Variants in STK32A observed in about 807,000 individuals in gnomAD.
STK32A encodes serine/threonine kinase 32A, also known as serine/threonine-protein kinase 32A.
In STK32A, 41 loss-of-function variants were observed where a neutral mutation model predicts 53.2. The observed-to-expected ratio is 0.77, with a 90% confidence interval of 0.60 to 1.00. The LOEUF is 1.00. Among genes scored for constraint, STK32A ranks in the 50% least tolerant of loss-of-function variants. The probability of loss-of-function intolerance (pLI) is 0.00; values close to 1 mark genes in which losing one functional copy is unlikely to be tolerated. For synonymous variants in STK32A, 166 were observed against 162.8 expected (o/e 1.02, Z -0.15); for missense variants, 458 against 485.8 (o/e 0.94, Z 0.54).
rs775086398 is a variant in STK32A, at chr5:147,294,366, ATTC to A, written c.260+14973_260+14975del. ...AACCTCCGCCTCCTGGGTTCAAGCA[ATTC>A]TTCTGCCTCAGCCTCCCGAGTAGCT... On this transcript the variant is annotated intron_variant, in intron 4 of 12. Transcript: ENST00000397936. Among the ~76,000 whole-genome samples, 39 of 152,176 alleles carry A rather than the reference ATTC, an allele frequency of 2.6e-4. No individual in the cohort carries two copies. In the East Asian group the frequency reaches 7.2e-3, roughly 28 times the overall value.
At chr5:147,377,205 AAG>A (rs573277700) in intron 11 of STK32A, among the ~76,000 whole-genome samples, 71 of 152,020 alleles carry the variant, frequency 4.7e-4, no homozygotes, top group Non-Finnish European at 9.0e-4. Context: ...CTCTTTTTTT[AAG>A]AGTTTGTTGT....
At chr5:147,248,105 G>A (rs1042085252) in intron 2 of STK32A, among the ~76,000 whole-genome samples, 127 of 121,598 alleles carry the variant, frequency 1.0e-3, no homozygotes, top group Middle Eastern at 5.7e-3. Context: ...GGGGCAACAA[G>A]AGCAAAACTC....
chr5:147,344,306 A>G (rs1384508896), intron 6 of STK32A, among the ~76,000 whole-genome samples: 1 of 152,150 alleles, frequency 6.6e-6, no homozygotes, highest in Non-Finnish European at 1.5e-5. Context: ...CTAATTTCAA[A>G]GCTCACTGTC....
At position 147,282,371 on chromosome 5, in the gene STK32A, G is replaced by T. The variant is rs527503073; in HGVS notation, c.260+2973G>T. ...GGAGAACAGCTTTAGCTCTTTTTTG[G>T]TTTTTTGGAAAAAAACCCAAAGTAC... On this transcript the variant is annotated intron_variant, in intron 4 of 12. Coordinates refer to ENST00000397936, the MANE Select transcript of STK32A (RefSeq NM_001112724.2). Among the ~76,000 whole-genome samples, 8 of 151,902 alleles carry T rather than the reference G, an allele frequency of 5.3e-5. No individual in the cohort carries two copies. The East Asian group carries it at 9.7e-4, about 18-fold the overall frequency.
At chr5:147,292,465 ATACTT>A (rs1419927757) in intron 4 of STK32A, among the ~76,000 whole-genome samples, 1 of 152,254 alleles carries the variant, frequency 6.6e-6, no homozygotes, top group Admixed American at 6.5e-5. Context: ...TCATAAAAGT[ATACTT>A]TACTTAATTG....
intron 11 of STK32A, among the ~76,000 whole-genome samples, chr5:147,380,932 G>A (rs558264199): frequency 6.6e-6 from 1 of 152,172 alleles, no homozygotes; most frequent in Non-Finnish European, 1.5e-5. Flanking sequence ...ACAAATATAA[G>A]GAGTTACAAA....
chr5:147,343,553 A>T (rs1755543330), intron 6 of STK32A, among the ~76,000 whole-genome samples: 1 of 152,228 alleles, frequency 6.6e-6, no homozygotes, highest in African/African-American at 2.4e-5. Flanking sequence ...AAGAATTCTT[A>T]CATTTTAGGG....
At chr5:147,293,031 G>T (rs887363489) in intron 4 of STK32A, among the ~76,000 whole-genome samples, 1 of 152,116 alleles carries the variant, frequency 6.6e-6, no homozygotes, top group African/African-American at 2.4e-5. Flanking sequence ...TCAGAAACTT[G>T]TATTCGAGAG....
At chr5:147,248,633 T>C (rs1580984063) in intron 2 of STK32A, among the ~76,000 whole-genome samples, 1 of 152,150 alleles carries the variant, frequency 6.6e-6, no homozygotes, top group Non-Finnish European at 1.5e-5. Context: ...TTGAAAGAAA[T>C]TGTCAATATA....
intron 8 of STK32A, among the ~76,000 whole-genome samples, chr5:147,369,203 G>C (rs1756899684): frequency 6.6e-6 from 1 of 152,094 alleles, no homozygotes; most frequent in Non-Finnish European, 1.5e-5. Context: ...AAATATGGCA[G>C]TTGTTTTTAG....
At chr5:147,318,299 C>T (rs966566301) in intron 4 of STK32A, among the ~76,000 whole-genome samples, 6 of 152,090 alleles carry the variant, frequency 3.9e-5, no homozygotes, top group African/African-American at 1.4e-4. Flanking sequence ...AGATCTGTCT[C>T]ATTTTTTAAA....
chr5:147,329,631 A>C (rs1754764112), intron 5 of STK32A, among the ~76,000 whole-genome samples: 1 of 151,780 alleles, frequency 6.6e-6, no homozygotes, highest in African/African-American at 2.4e-5. Context: ...GTGTGCCTGC[A>C]TGCACGTGCA....
At chr5:147,292,722 G>T (rs961391201) in intron 4 of STK32A, among the ~76,000 whole-genome samples, 1 of 152,094 alleles carries the variant, frequency 6.6e-6, no homozygotes, top group South Asian at 2.1e-4. Context: ...TTAGCCAGAC[G>T]TGGTGGCACA....
intron 7 of STK32A, among the ~76,000 whole-genome samples, chr5:147,359,676 C>T (rs1348772232): frequency 6.6e-6 from 1 of 152,106 alleles, no homozygotes; most frequent in Non-Finnish European, 1.5e-5. Flanking sequence ...AAATATAGTC[C>T]ATCCTGTCTG....
chr5:147,276,941 C>T (rs1203642666), intron 2 of STK32A, among the ~76,000 whole-genome samples: 3 of 152,080 alleles, frequency 2.0e-5, no homozygotes, highest in Non-Finnish European at 2.9e-5. Flanking sequence ...TTGTAATATA[C>T]ATGCTGCCTC....
chr5:147,312,245 G>A (rs531399122), intron 4 of STK32A, among the ~76,000 whole-genome samples: 11 of 151,922 alleles, frequency 7.2e-5, no homozygotes, highest in Non-Finnish European at 1.6e-4. Context: ...GAATACAGGA[G>A]CCTGCCACCA....
chr5:147,365,698 C>G (rs1463187278), intron 8 of STK32A, among the ~76,000 whole-genome samples: 1 of 152,092 alleles, frequency 6.6e-6, no homozygotes, highest in Non-Finnish European at 1.5e-5. Context: ...TTGCTAGCTG[C>G]TTCTGGGGTT....
chr5:147,361,650 C>T, intron 8 of STK32A, 36 bp downstream of exon 8: 4 of 1,413,808 alleles, frequency 2.8e-6, no homozygotes, highest in Non-Finnish European at 4.0e-6. Flanking sequence ...GTTATTTTTC[C>T]AGCAAGTTCT....
the STK32A span, among the ~76,000 whole-genome samples, chr5:147,398,812 C>T: frequency 6.6e-6 from 1 of 152,166 alleles, no homozygotes; most frequent in African/African-American, 2.4e-5. Context: ...AGGTCATGTT[C>T]CCCTGTCTCA....
Sources: gnomAD v4.1 joint callset for allele counts (sites outside exome capture counted in the v4.1 genomes callset) on GRCh38, gnomAD v4.1.1 for gene constraint, MANE v1.5 for transcripts, NCBI Gene and HGNC (gene_info 2026-07-23, HGNC 2026-07-21) for gene names.